Variants in ARL6 observed in about 807,000 individuals in gnomAD.
The protein encoded by ARL6 is ARF like GTPase 6, also known as ADP-ribosylation factor-like protein 6.
A neutral mutation model predicts 27.1 loss-of-function variants in ARL6; 18 were observed. The observed-to-expected ratio is 0.66, with a 90% CI of 0.46 to 0.98. The LOEUF (loss-of-function observed/expected upper bound fraction) is 0.98. Ranked by LOEUF, ARL6 falls within the 50% of genes least tolerant of loss-of-function variation. The probability of loss-of-function intolerance (pLI) is 0.00; values close to 1 mark genes in which losing one functional copy is unlikely to be tolerated. For missense variants in ARL6, 187 were observed against 214.9 expected, an observed-to-expected ratio of 0.87 and a Z score of 0.81; for synonymous variants, 65 against 72.3, an observed-to-expected ratio of 0.90 and a Z score of 0.51.
At chr3:97,790,020 G>T (rs1385688569) in intron 6 of ARL6, among the ~76,000 whole-genome samples, 1 of 148,728 alleles carries the variant, frequency 6.7e-6, no homozygotes, top group Non-Finnish European at 1.5e-5. Flanking sequence ...TCCTTCAGAT[G>T]CGTTCTTTGA....
intron 2 of ARL6, among the ~76,000 whole-genome samples, chr3:97,776,293 T>G (rs2036896995): frequency 6.6e-6 from 1 of 152,206 alleles, no homozygotes; most frequent in Non-Finnish European, 1.5e-5. Context: ...TGGAATGTCT[T>G]TATCCGTTTT....
chr3:97,767,232 A>C (rs912361530), intron 1 of ARL6, among the ~76,000 whole-genome samples: 4 of 152,182 alleles, frequency 2.6e-5, no homozygotes, highest in African/African-American at 9.7e-5. Flanking sequence ...ATACTTAAAA[A>C]ACTAAATTAA....
rs1278242678 is a variant in ARL6, at chr3:97,791,833, T to G, written c.535+7T>G. The G allele has an allele frequency of 6.2e-7, 1 of 1,611,286 alleles. No homozygotes were observed. The highest frequency in any genetic ancestry group is 1.1e-5 in the South Asian group (1 of 90,738). On this transcript the variant is annotated splice_region_variant and intron_variant, in intron 7 of 7. Coordinates refer to ENST00000463745, the MANE Select transcript of ARL6 (RefSeq NM_001278293.3). ...GGTGTAGACTGGCTTCAAGGTACAT[T>G]ACAAAATACTGTGTGTCTTCAGCCT...
intron 3 of ARL6, among the ~76,000 whole-genome samples, 175 bp from the exon 4 acceptor site, chr3:97,780,440 A>T (rs947275255): frequency 5.3e-5 from 8 of 152,126 alleles, no homozygotes; most frequent in Non-Finnish European, 8.8e-5. Context: ...TATGTTATTT[A>T]TTGCAAAATT....
rs1204613297 is a variant in ARL6 at position 97,791,755 on chromosome 3, A to G, written c.480-16A>G. ...ATGTAATGAGATGGCTATGTTTCTT[A>G]TGGATTTCATTTCAGTGCTAGTGAT... On this transcript the variant is annotated splice_polypyrimidine_tract_variant and intron_variant, in intron 6 of 7. Coordinates refer to ENST00000463745, the MANE Select transcript of ARL6 (RefSeq NM_001278293.3). The G allele has an allele frequency of 8.1e-6, 13 of 1,612,890 alleles. No individual in the cohort carries two copies. Among genetic ancestry groups the G allele is most frequent in the Non-Finnish European group, 1.1e-5 (13 of 1,179,136 alleles).
intron 2 of ARL6, among the ~76,000 whole-genome samples, chr3:97,770,785 C>G (rs1469089196): frequency 6.6e-6 from 1 of 151,882 alleles, no homozygotes; most frequent in African/African-American, 2.4e-5. Flanking sequence ...TATCCTTTTC[C>G]CAATGTATGT....
chr3:97,771,184 C>T (rs1191422476), intron 2 of ARL6, among the ~76,000 whole-genome samples: 1 of 151,172 alleles, frequency 6.6e-6, no homozygotes, highest in African/African-American at 2.4e-5. Context: ...TTTGTGTCCT[C>T]TTCAATTTCT....
At chr3:97,771,961 C>G (rs1245159838) in intron 2 of ARL6, among the ~76,000 whole-genome samples, 1 of 152,032 alleles carries the variant, frequency 6.6e-6, no homozygotes, top group East Asian at 1.9e-4. Context: ...ATTTTTGCAT[C>G]TATGTTCATG....
chr3:97,798,204 G>T lies in ARL6; in HGVS notation c.*155G>T. The T allele has an allele frequency of 1.4e-6, 1 of 729,744 alleles. No individual in the cohort carries two copies. Among genetic ancestry groups the T allele is most frequent in the Non-Finnish European group, 2.3e-6 (1 of 431,468 alleles). 45.2% of individuals were successfully genotyped at this position (729,744 alleles called of 1,614,324 possible). On this transcript the variant is annotated 3_prime_UTR_variant, in exon 8 of 8. Transcript: ENST00000463745. Reference sequence around the variant, plus strand: ...CCTTTTTAAGAACATAGGACTTCAGGTATGCTAATTTGGCCATTAATTATT... The same window carrying T: ...CCTTTTTAAGAACATAGGACTTCAGTTATGCTAATTTGGCCATTAATTATT...
At chr3:97,768,002 C>A in intron 1 of ARL6, 79 bp from the exon 2 acceptor site, 1 of 1,284,578 alleles carries the variant, frequency 7.8e-7, no homozygotes, top group Non-Finnish European at 1.1e-6. Flanking sequence ...TAAATTATTA[C>A]CTTTTTTTAA....
At chr3:97,786,366 A>G (rs970836022) in intron 5 of ARL6, among the ~76,000 whole-genome samples, 6 of 152,004 alleles carry the variant, frequency 3.9e-5, no homozygotes, top group Non-Finnish European at 8.8e-5. Flanking sequence ...GCAGTCTTGT[A>G]TCTAGATTGA....
intron 7 of ARL6, among the ~76,000 whole-genome samples, chr3:97,792,794 C>A (rs573740494): frequency 2.6e-5 from 4 of 152,234 alleles, no homozygotes; most frequent in Admixed American, 2.6e-4. Flanking sequence ...ATTGCAGGAT[C>A]CTAATGGCCA....
rs745854688 is a variant in ARL6, at chr3:97,768,078, C to T, written c.-27-3C>T. On this transcript the variant is annotated splice_region_variant and splice_polypyrimidine_tract_variant and intron_variant, in intron 1 of 7. Coordinates refer to ENST00000463745, the MANE Select transcript of ARL6 (RefSeq NM_001278293.3). ...GTAATATTTTATTTTTTCTTAATTG[C>T]AGCTGGTTTGTAAATATTTGAATCA... is the stretch of plus-strand genomic sequence containing the variant. 15 of 1,610,920 alleles carry T rather than the reference C, an allele frequency of 9.3e-6. No individual in the cohort carries two copies. The East Asian group carries it at 2.2e-4, about 24-fold the overall frequency.
intron 4 of ARL6, 88 bp from the exon 5 acceptor site, chr3:97,784,867 T>C (rs1039846956): frequency 1.0e-5 from 9 of 875,076 alleles, no homozygotes; most frequent in Non-Finnish European, 1.5e-5. Flanking sequence ...AAGGAGATAA[T>C]ACTTAGGTTA....
chr3:97,773,018 T>C (rs1436730497), intron 2 of ARL6, among the ~76,000 whole-genome samples: 1 of 152,172 alleles, frequency 6.6e-6, no homozygotes, highest in Non-Finnish European at 1.5e-5. Context: ...TCCCTTTTCA[T>C]TTAAGAATGT....
At chr3:97,772,081 G>T (rs2036663070) in intron 2 of ARL6, among the ~76,000 whole-genome samples, 1 of 152,026 alleles carries the variant, frequency 6.6e-6, no homozygotes, top group Admixed American at 6.5e-5. Context: ...TTTACTTTTT[G>T]GGATCGTTTG....
chr3:97,779,606 C>G (rs1211746379), intron 2 of ARL6, among the ~76,000 whole-genome samples: 1 of 152,166 alleles, frequency 6.6e-6, no homozygotes, highest in African/African-American at 2.4e-5. Flanking sequence ...GTGGCTCACT[C>G]CTGTAATCCC....
At chr3:97,782,113 G>A (rs929599233) in intron 4 of ARL6, among the ~76,000 whole-genome samples, 3 of 151,954 alleles carry the variant, frequency 2.0e-5, no homozygotes, top group Non-Finnish European at 4.4e-5. Flanking sequence ...TGGCATGTTT[G>A]TGGTATTCTG....
chr3:97,789,984 A>G (rs766873938), intron 6 of ARL6, among the ~76,000 whole-genome samples: 29 of 145,406 alleles, frequency 2.0e-4, no homozygotes, highest in African/African-American at 6.9e-4. Flanking sequence ...GTCAGCTCTG[A>G]TTTTCAGGGT....
Sources: allele counts gnomAD v4.1 joint callset (sites outside exome capture counted in the v4.1 genomes callset), GRCh38; gene constraint gnomAD v4.1.1; transcripts MANE v1.5; gene names NCBI Gene and HGNC (gene_info 2026-07-23, HGNC 2026-07-21).